The following VGLL3 variants were observed in gnomAD, a reference collection of about 807,000 sequenced individuals.
The protein encoded by VGLL3 is transcription cofactor vestigial-like protein 3.
Under a neutral mutation model 29.2 loss-of-function variants are expected in VGLL3, and 18 were observed. The ratio of observed to expected loss-of-function variants is 0.62; its 90% CI spans 0.43 to 0.91. VGLL3 has a LOEUF of 0.91. Among genes scored for constraint, VGLL3 ranks in the 40% least tolerant of loss-of-function variants. VGLL3 has a pLI of 0.00. For synonymous variants in VGLL3, 180 were observed against 151.8 expected (o/e 1.19, Z -1.36); for missense variants, 440 against 413.2 (o/e 1.06, Z -0.56).
intron 3 of VGLL3, among the ~76,000 whole-genome samples, chr3:86,961,728 A>G (rs1040272363): frequency 6.6e-6 from 1 of 152,166 alleles, no homozygotes; most frequent in Admixed American, 6.5e-5. Context: ...CTCTGGCCCC[A>G]ACTACCCTTG....
intron 3 of VGLL3, chr3:86,963,124 T>C: frequency 6.0e-6 from 1 of 166,282 alleles, no homozygotes; most frequent in East Asian, 1.9e-4. Flanking sequence ...ACCTTGCACA[T>C]GAGTGTTCAT....
At chr3:86,979,667 A>T (rs905887999) in intron 1 of VGLL3, among the ~76,000 whole-genome samples, 1 of 152,204 alleles carries the variant, frequency 6.6e-6, no homozygotes, top group Non-Finnish European at 1.5e-5. Flanking sequence ...TATTGTAAAG[A>T]TTAAAAAGCT....
chr3:86,979,315 G>C (rs1273673421), intron 1 of VGLL3, among the ~76,000 whole-genome samples: 1 of 152,108 alleles, frequency 6.6e-6, no homozygotes. Context: ...CTTATAAAAG[G>C]ATTTGGCAGA....
Position 86,946,817 on chromosome 3 carries a change from A to G in VGLL3, c.*207T>C. 1 of 511,552 alleles carries G rather than the reference A, an allele frequency of 2.0e-6. No homozygotes were observed. Among genetic ancestry groups the G allele is most frequent in the Non-Finnish European group, 3.5e-6 (1 of 287,320 alleles). The allele number at this position is 511,552 out of a possible 1,614,324, so 31.7% of individuals were successfully genotyped here. On this transcript the variant is annotated 3_prime_UTR_variant, in exon 4 of 4. Coordinates refer to ENST00000398399, the MANE Select transcript of VGLL3 (RefSeq NM_016206.4). ...ACAGTTGGCAAAGGCTCAGATGAGG[A>G]AATAAACAAATAAAAATGCTTTTCT...
intron 1 of VGLL3, among the ~76,000 whole-genome samples, chr3:86,983,203 G>A (rs1705365885): frequency 6.6e-6 from 1 of 152,062 alleles, no homozygotes; most frequent in Non-Finnish European, 1.5e-5. Flanking sequence ...GGAGTCTTTG[G>A]ATATTTAGAA....
chr3:86,965,304 A>G (rs539895836), intron 3 of VGLL3, among the ~76,000 whole-genome samples: 1 of 152,244 alleles, frequency 6.6e-6, no homozygotes, highest in Admixed American at 6.5e-5. Context: ...GAGAAGTTTT[A>G]TGACTGTATG....
intron 2 of VGLL3, among the ~76,000 whole-genome samples, chr3:86,972,564 T>G (rs958266757): frequency 6.6e-6 from 1 of 152,228 alleles, no homozygotes; most frequent in African/African-American, 2.4e-5. Context: ...TTATTTCATA[T>G]GTATGTAAAT....
chr3:86,960,640 T>G (rs1704818220), intron 3 of VGLL3, among the ~76,000 whole-genome samples: 1 of 152,152 alleles, frequency 6.6e-6, no homozygotes, highest in African/African-American at 2.4e-5. Context: ...TCCCTCTGTC[T>G]GGCAAATAAC....
rs370925115 is a variant in VGLL3 at position 86,942,448 on chromosome 3, G to T, written c.*4576C>A. 20 of 151,908 alleles carry T rather than the reference G, an allele frequency of 1.3e-4. No individual in the cohort carries two copies. The highest frequency in any genetic ancestry group is 1.2e-3 in the Admixed American group (19 of 15,260). 9.4% of individuals were successfully genotyped at this position (151,908 alleles called of 1,614,324 possible). On this transcript the variant is annotated 3_prime_UTR_variant, in exon 4 of 4. Transcript: ENST00000398399. Reference sequence around the variant, plus strand: ...GCTGACTGAGATCGTAAATGGTTGTGTTTTTCCCCCTTTTAATGCGGAAGA... The same window carrying T: ...GCTGACTGAGATCGTAAATGGTTGTTTTTTTCCCCCTTTTAATGCGGAAGA...
chr3:86,947,346 T>A (rs921523159), intron 3 of VGLL3, among the ~76,000 whole-genome samples: 2 of 152,158 alleles, frequency 1.3e-5, no homozygotes, highest in African/African-American at 2.4e-5. Flanking sequence ...GCTTGGAGTA[T>A]GAGTGAATAG....
At chr3:86,988,395 C>A (rs1035494116) in intron 1 of VGLL3, among the ~76,000 whole-genome samples, 1 of 151,388 alleles carries the variant, frequency 6.6e-6, no homozygotes, top group Non-Finnish European at 1.5e-5. Context: ...CAAAAACAAC[C>A]AAAATATGTA....
chr3:86,970,456 T>C (rs1298741996), intron 2 of VGLL3, among the ~76,000 whole-genome samples: 1 of 140,116 alleles, frequency 7.1e-6, no homozygotes, highest in Non-Finnish European at 1.5e-5. Flanking sequence ...GATCAGCACA[T>C]AAGAAAAGGC....
intron 1 of VGLL3, among the ~76,000 whole-genome samples, chr3:86,982,690 T>A (rs1392089081): frequency 6.6e-6 from 1 of 152,172 alleles, no homozygotes. Context: ...TTCCTAAAAA[T>A]ATCCAGATTT....
Position 86,968,695 on chromosome 3 carries a change from C to A in VGLL3, c.832G>T (p.Asp278Tyr). ...GTAGTTGGTTCTGTCTTTGTGATGT[C>A]ACACTGGGGAGCAGGAATCCTGGCC... ...HAARIPAPQCDITKTEPTTVT... is the reference protein window; with the variant it reads ...HAARIPAPQCYITKTEPTTVT... Residue 278 changes from aspartate (D) to tyrosine (Y), a missense_variant, in exon 3 of 4, where the codon GAC becomes TAC. Physicochemically the swap from Asp to Tyr is radical, Grantham distance 160 (BLOSUM62 -3). Transcript: ENST00000398399. The A allele has an allele frequency of 6.2e-7, 1 of 1,614,178 alleles. No individual in the cohort carries two copies. Among genetic ancestry groups the A allele is most frequent in the Non-Finnish European group, 8.5e-7 (1 of 1,180,040 alleles).
chr3:86,941,192 A>G lies in VGLL3; in HGVS notation c.*5832T>C, dbSNP rs1704389820. 6.6e-6 allele frequency: 1 copy of G among 152,452 alleles called. No individual in the cohort carries two copies. Among genetic ancestry groups the G allele is most frequent in the East Asian group, 1.9e-4 (1 of 5,200 alleles). The allele number at this position is 152,452 out of a possible 1,614,324, so 9.4% of individuals were successfully genotyped here. ...CCCTATGTTTTATCTCCTGAAAAAA[A>G]AAATGTATGGAATAGTATTTTTAAA... On this transcript the variant is annotated 3_prime_UTR_variant, in exon 4 of 4. Coordinates refer to ENST00000398399, the MANE Select transcript of VGLL3 (RefSeq NM_016206.4).
chr3:86,978,852 C>T, intron 1 of VGLL3, 50 bp from the exon 2 acceptor site: 1 of 1,502,812 alleles, frequency 6.7e-7, no homozygotes, highest in East Asian at 2.3e-5. Context: ...TGTAGAAAAG[C>T]ATTCACTAGT....
intron 3 of VGLL3, among the ~76,000 whole-genome samples, chr3:86,959,581 A>T (rs963688968): frequency 6.6e-6 from 1 of 152,144 alleles, no homozygotes; most frequent in Non-Finnish European, 1.5e-5. Context: ...GAGGCTAATG[A>T]TTCATCTCCA....
At position 86,945,303 on chromosome 3, in the gene VGLL3, G is replaced by A. The variant is rs1000317150; in HGVS notation, c.*1721C>T. ...AGGAAAATATTTGAAAATTATCTATGAGAACTCTGCCTAGCTGAACATGTC... is the reference window on the plus strand; with the variant it reads ...AGGAAAATATTTGAAAATTATCTATAAGAACTCTGCCTAGCTGAACATGTC... On this transcript the variant is annotated 3_prime_UTR_variant, in exon 4 of 4. Transcript: ENST00000398399. 6.6e-6 allele frequency: 1 copy of A among 152,092 alleles called. No individual in the cohort carries two copies. Among genetic ancestry groups the A allele is most frequent in the African/African-American group, 2.4e-5 (1 of 41,416 alleles). 9.4% of individuals were successfully genotyped at this position (152,092 alleles called of 1,614,324 possible).
Position 86,939,421 on chromosome 3 carries a change from C to G in VGLL3, c.*7603G>C, listed in dbSNP as rs974287326. The G allele has an allele frequency of 6.6e-6, 1 of 152,218 alleles. No individual in the cohort carries two copies. Among genetic ancestry groups the G allele is most frequent in the Non-Finnish European group, 1.5e-5 (1 of 68,132 alleles). The allele number at this position is 152,218 out of a possible 1,614,324, so 9.4% of individuals were successfully genotyped here. On this transcript the variant is annotated 3_prime_UTR_variant, in exon 4 of 4. Coordinates refer to ENST00000398399, the MANE Select transcript of VGLL3 (RefSeq NM_016206.4). Reference sequence around the variant, plus strand: ...GCAGGCAGATCACGAGGTCAGGAGACGGAGACCATCCTGGCCAACATGGTG... The same window carrying G: ...GCAGGCAGATCACGAGGTCAGGAGAGGGAGACCATCCTGGCCAACATGGTG...
Sources: gnomAD v4.1 joint callset for allele counts (sites outside exome capture counted in the v4.1 genomes callset) on GRCh38, gnomAD v4.1.1 for gene constraint, MANE v1.5 for transcripts, NCBI Gene and HGNC (gene_info 2026-07-23, HGNC 2026-07-21) for gene names.